Variants in DNAI7 observed in about 807,000 individuals in gnomAD.
The protein encoded by DNAI7 is cancer susceptibility 1.
A neutral mutation model predicts 86.6 loss-of-function variants in DNAI7; 78 were observed. That is an observed-to-expected ratio of 0.90 (90% CI 0.75 to 1.09). The LOEUF is 1.09. DNAI7 is among the 50% of genes least tolerant of loss of function. The probability of loss-of-function intolerance (pLI) is 0.00; values close to 1 mark genes in which losing one functional copy is unlikely to be tolerated. For missense variants in DNAI7, 753 were observed against 810.2 expected (o/e 0.93, Z 0.86); for synonymous variants, 274 against 273.0 (o/e 1.00, Z -0.04).
intron 6 of DNAI7, among the ~76,000 whole-genome samples, chr12:25,150,249 C>T (rs1250309604): frequency 6.6e-6 from 1 of 152,132 alleles, no homozygotes; most frequent in Non-Finnish European, 1.5e-5. Flanking sequence ...GGAAAATGTA[C>T]TTTGCAATGT....
Position 25,177,295 on chromosome 12 carries a change from C to T in DNAI7, c.21+13319G>A, listed in dbSNP as rs141310039. ...CAATCCACCTCCAGAACTTTTTCAG[C>T]ATCCCAAACTGAAACCCTGTATACC... On this transcript the variant is annotated intron_variant, in intron 2 of 15. Coordinates refer to ENST00000395987, the MANE Select transcript of DNAI7 (RefSeq NM_018272.5). Among the ~76,000 whole-genome samples the T allele has an allele frequency of 6.2e-3, 943 of 152,262 alleles. 10 individuals carry two copies. Among genetic ancestry groups the T allele is most frequent in the African/African-American group, 0.021 (883 of 41,552 alleles).
intron 3 of DNAI7, among the ~76,000 whole-genome samples, chr12:25,160,238 ATT>A (rs1163285674): frequency 2.6e-5 from 4 of 152,236 alleles, no homozygotes; most frequent in Non-Finnish European, 4.4e-5. Context: ...GAATTAGCAG[ATT>A]AAAACATGGG....
At chr12:25,149,581 T>G in intron 7 of DNAI7, 47 bp downstream of exon 7, 1 of 1,311,332 alleles carries the variant, frequency 7.6e-7, no homozygotes, top group Non-Finnish European at 1.1e-6. Flanking sequence ...TAACATAAAA[T>G]GTTAGCTCTT....
At chr12:25,107,809 C>T, downstream of DNAI7, 1 of 1,607,890 alleles carries the variant, frequency 6.2e-7, no homozygotes, top group Non-Finnish European at 8.5e-7. Flanking sequence ...TTTGTGTTTT[C>T]CTTATAGTTA....
chr12:25,120,244 A>G (rs1232158769), intron 11 of DNAI7, among the ~76,000 whole-genome samples: 2 of 150,838 alleles, frequency 1.3e-5, no homozygotes, highest in East Asian at 4.0e-4. Flanking sequence ...ACTGTGGGTG[A>G]GAAGTACCCA....
intron 2 of DNAI7, among the ~76,000 whole-genome samples, chr12:25,169,320 C>T (rs11502710): frequency 1.3e-5 from 2 of 152,136 alleles, no homozygotes; most frequent in South Asian, 4.1e-4. Flanking sequence ...TTGTGACCCC[C>T]ACTCCTGCCC....
intron 2 of DNAI7, among the ~76,000 whole-genome samples, chr12:25,174,703 C>A (rs1948755294): frequency 1.7e-5 from 2 of 115,818 alleles, no homozygotes; most frequent in Non-Finnish European, 3.4e-5. Context: ...ATATAGATAT[C>A]ATACATATGG....
Position 25,144,423 on chromosome 12 carries a change from A to C in DNAI7, c.944T>G (p.Leu315Ter). Residue 315 changes from leucine to a stop codon, truncating the protein, a stop_gained, in exon 9 of 16, where the codon TTA becomes TGA. Transcript: ENST00000395987. LOFTEE classifies it high-confidence loss of function. ...AACTTTTATTTCTTCCTCCTGAATT[A>C]AGTGAGACCCTCTTTCTTGTTGTTT... ...ESKQQERGSH[L>*]IQEEEIKVEE... The C allele has an allele frequency of 6.2e-7, 1 of 1,614,128 alleles. No individual in the cohort carries two copies.
intron 1 of DNAI7, among the ~76,000 whole-genome samples, chr12:25,194,094 A>G (rs1950806128): frequency 6.6e-6 from 1 of 151,846 alleles, no homozygotes; most frequent in African/African-American, 2.4e-5. Flanking sequence ...TGCTGGGATT[A>G]CAGGGGTGAG....
intron 2 of DNAI7, among the ~76,000 whole-genome samples, chr12:25,170,429 C>G (rs1448839132): frequency 2.0e-5 from 3 of 150,324 alleles, no homozygotes; most frequent in Non-Finnish European, 3.0e-5. Flanking sequence ...GAAAATATCA[C>G]AATCCTAAAC....
intron 15 of DNAI7, 142 bp from the exon 16 acceptor site, chr12:25,108,965 G>C: frequency 3.6e-6 from 2 of 551,508 alleles, no homozygotes; most frequent in Non-Finnish European, 6.2e-6. Flanking sequence ...TTCCATTACT[G>C]GGTTTTGAAA....
chr12:25,138,856 C>A (rs1943857308), intron 9 of DNAI7, among the ~76,000 whole-genome samples: 1 of 145,970 alleles, frequency 6.9e-6, no homozygotes. Flanking sequence ...TAGCTAAGAT[C>A]AGAGCAGAAC....
At chr12:25,131,946 G>T (rs1942981174) in intron 9 of DNAI7, among the ~76,000 whole-genome samples, 1 of 152,044 alleles carries the variant, frequency 6.6e-6, no homozygotes, top group South Asian at 2.1e-4. Flanking sequence ...TAATTAAACA[G>T]AATGACAAGA....
intron 12 of DNAI7, 87 bp downstream of exon 12, chr12:25,119,058 G>T: frequency 2.0e-6 from 2 of 1,008,856 alleles, no homozygotes; most frequent in Non-Finnish European, 2.8e-6. Context: ...AAGATAGTAA[G>T]CTCAGTTAAT....
intron 4 of DNAI7, among the ~76,000 whole-genome samples, chr12:25,156,960 T>C (rs961491320): frequency 1.3e-5 from 2 of 151,906 alleles, no homozygotes; most frequent in Non-Finnish European, 2.9e-5. Context: ...AGAGTATGAA[T>C]AGTTGACTGA....
chr12:25,151,773 A>G (rs4313666), intron 6 of DNAI7, among the ~76,000 whole-genome samples: 25,773 of 152,192 alleles, frequency 0.17, 2,450 homozygotes, highest in Middle Eastern at 0.24. Context: ...AGGTCCATCT[A>G]AGGTCTCACA....
intron 1 of DNAI7, among the ~76,000 whole-genome samples, chr12:25,194,433 A>G (rs536868248): frequency 9.8e-5 from 15 of 152,360 alleles, no homozygotes; most frequent in Middle Eastern, 3.4e-3. Flanking sequence ...AAGTAATTAC[A>G]TTCTCCACTT....
At chr12:25,116,084 C>CTT (rs35310438) in intron 12 of DNAI7, among the ~76,000 whole-genome samples, 1,769 of 138,072 alleles carry the variant, frequency 0.013, 18 homozygotes, top group Middle Eastern at 0.036. Context: ...GTATTTCTTT[C>CTT]TTTTTTTTTT....
intron 8 of DNAI7, among the ~76,000 whole-genome samples, chr12:25,144,970 C>T (rs1475627008): frequency 6.6e-6 from 1 of 152,108 alleles, no homozygotes; most frequent in Non-Finnish European, 1.5e-5. Context: ...CTCAGTGCTC[C>T]ATCCTAAGCC....
Sources: allele counts gnomAD v4.1 joint callset (sites outside exome capture counted in the v4.1 genomes callset), GRCh38; gene constraint gnomAD v4.1.1; transcripts MANE v1.5; gene names NCBI Gene and HGNC (gene_info 2026-07-23, HGNC 2026-07-21).